Variants in ASTN2 observed in about 807,000 individuals in gnomAD.
ASTN2 encodes the protein astrotactin 2, also known as astrotactin-2.
ASTN2 carries 54 observed loss-of-function variants against 139.8 expected under a neutral mutation model. The ratio of observed to expected loss-of-function variants is 0.39; its 90% CI spans 0.31 to 0.48. The LOEUF (loss-of-function observed/expected upper bound fraction) is 0.48. Among genes scored for constraint, ASTN2 ranks in the 20% least tolerant of loss-of-function variants. The pLI, the probability that ASTN2 is intolerant of heterozygous loss-of-function variation, is 0.95. For missense variants in ASTN2, 1,565 were observed against 1,725.1 expected (o/e 0.91, Z 1.64); for synonymous variants, 756 against 719.5 (o/e 1.05, Z -0.81).
At chr9:117,256,122 T>C (rs1316046166) in intron 2 of ASTN2, among the ~76,000 whole-genome samples, 1 of 152,154 alleles carries the variant, frequency 6.6e-6, no homozygotes, top group Non-Finnish European at 1.5e-5. Context: ...GAGATGACTG[T>C]TTTCTCTGTT....
chr9:116,917,731 T>A (rs1174418067), intron 10 of ASTN2, among the ~76,000 whole-genome samples: 1 of 152,188 alleles, frequency 6.6e-6, no homozygotes, highest in Non-Finnish European at 1.5e-5. Context: ...TGTTAATTAA[T>A]TGATCATGTA....
At chr9:117,355,311 A>C (rs1245453872) in intron 1 of ASTN2, among the ~76,000 whole-genome samples, 1 of 152,248 alleles carries the variant, frequency 6.6e-6, no homozygotes, top group Non-Finnish European at 1.5e-5. Flanking sequence ...TCAGAGTTTC[A>C]GACTGAAGAG....
At chr9:116,808,781 A>G (rs1831093694) in intron 12 of ASTN2, among the ~76,000 whole-genome samples, 1 of 152,172 alleles carries the variant, frequency 6.6e-6, no homozygotes, top group Non-Finnish European at 1.5e-5. Context: ...TTACAATCCT[A>G]TAATTGATGA....
At chr9:116,531,432 A>G (rs988461027) in intron 19 of ASTN2, among the ~76,000 whole-genome samples, 6 of 152,308 alleles carry the variant, frequency 3.9e-5, no homozygotes, top group African/African-American at 1.4e-4. Flanking sequence ...TTTGTTACAT[A>G]TGTATACGTG....
At chr9:117,233,964 A>C (rs1832971654) in intron 2 of ASTN2, among the ~76,000 whole-genome samples, 2 of 152,198 alleles carry the variant, frequency 1.3e-5, no homozygotes, top group East Asian at 3.9e-4. Context: ...AAAATGCTTC[A>C]TGTATCTGTC....
chr9:117,355,236 T>C (rs1378567088), intron 1 of ASTN2, among the ~76,000 whole-genome samples: 1 of 152,168 alleles, frequency 6.6e-6, no homozygotes, highest in East Asian at 1.9e-4. Flanking sequence ...GAATGGAAAG[T>C]TCAGAAATCT....
At position 116,790,963 on chromosome 9, in the gene ASTN2, G is replaced by GA. The variant is rs754990492; in HGVS notation, c.2396+14668dup. Reference sequence around the variant, plus strand: ...GAAAGAAAGAAAGAAAGAAAAGAAAGAAGGAAAGAAAGAAAGAAAGAAAGA... The same window carrying GA: ...GAAAGAAAGAAAGAAAGAAAAGAAAGAAAGGAAAGAAAGAAAGAAAGAAAGA... On this transcript the variant is annotated intron_variant, in intron 13 of 22. Transcript: ENST00000313400. Among the ~76,000 whole-genome samples, 985 of 100,312 alleles carry GA rather than the reference G, an allele frequency of 9.8e-3. 4 individuals carry two copies. The highest frequency in any genetic ancestry group is 0.018 in the Middle Eastern group (3 of 170). 65.8% of individuals were successfully genotyped at this position (100,312 alleles called of 152,430 possible).
chr9:116,979,638 C>T (rs554725257), intron 7 of ASTN2, among the ~76,000 whole-genome samples: 1 of 152,066 alleles, frequency 6.6e-6, no homozygotes, highest in Admixed American at 6.6e-5. Flanking sequence ...TCCAGACTCC[C>T]AGGACTGATT....
At position 117,190,916 on chromosome 9, in the gene ASTN2, T is replaced by C. The variant is rs945594170; in HGVS notation, c.1015+23442A>G. Among the ~76,000 whole-genome samples the C allele has an allele frequency of 2.0e-5, 3 of 152,178 alleles. No individual in the cohort carries two copies. In the South Asian group the frequency reaches 6.2e-4, roughly 31 times the overall value. ...TGCTAGAAAGAAACTGCTATAGAAA[T>C]TGACTTGCATATATCTTATTTATTG... On this transcript the variant is annotated intron_variant, in intron 3 of 22. Coordinates refer to ENST00000313400, the MANE Select transcript of ASTN2 (RefSeq NM_001365068.1).
intron 19 of ASTN2, among the ~76,000 whole-genome samples, chr9:116,565,258 A>G (rs1853128317): frequency 8.4e-6 from 1 of 119,384 alleles, no homozygotes; most frequent in Admixed American, 8.3e-5. Context: ...ACACACACAC[A>G]TATGCCCCAT....
At chr9:116,597,086 A>T (rs1854613922) in intron 19 of ASTN2, among the ~76,000 whole-genome samples, 1 of 118,942 alleles carries the variant, frequency 8.4e-6, no homozygotes, top group Non-Finnish European at 1.9e-5. Context: ...AAGGATGGTT[A>T]TATTTTTAAA....
At chr9:117,264,111 A>C (rs763854515) in intron 2 of ASTN2, among the ~76,000 whole-genome samples, 30 of 152,212 alleles carry the variant, frequency 2.0e-4, no homozygotes, top group Non-Finnish European at 3.8e-4. Context: ...AATACAGTTT[A>C]TTTATGGTAT....
chr9:117,111,019 G>T (rs910203058), intron 4 of ASTN2, among the ~76,000 whole-genome samples: 1 of 152,194 alleles, frequency 6.6e-6, no homozygotes, highest in African/African-American at 2.4e-5. Context: ...CTCAGCTGAA[G>T]ATAATAAAAC....
At chr9:117,079,109 A>T (rs1345470681) in intron 5 of ASTN2, among the ~76,000 whole-genome samples, 1 of 152,234 alleles carries the variant, frequency 6.6e-6, no homozygotes, top group Non-Finnish European at 1.5e-5. Context: ...TAATCCCAGT[A>T]CATTGAGAGG....
chr9:117,243,079 T>C (rs192222471), intron 2 of ASTN2, among the ~76,000 whole-genome samples: 1 of 152,338 alleles, frequency 6.6e-6, no homozygotes, highest in Admixed American at 6.5e-5. Flanking sequence ...TTCCTTCAAT[T>C]CTTTTTGCAA....
chr9:116,925,863 C>CACAACACACAA (rs374230077), intron 10 of ASTN2, among the ~76,000 whole-genome samples: 1 of 95,840 alleles, frequency 1.0e-5, no homozygotes, highest in African/African-American at 3.7e-5. Context: ...CACAACACAA[C>CACAACACACAA]ACACACACAC....
At position 116,862,135 on chromosome 9, in the gene ASTN2, G is replaced by C. The variant is rs191828850; in HGVS notation, c.2040+1448C>G. On this transcript the variant is annotated intron_variant, in intron 11 of 22. Transcript: ENST00000313400. ...TTCATTGCATTATTTCATTCTAGAAGCTTCTTCGTATTGATCTCCTGACCT... is the reference window on the plus strand; with the variant it reads ...TTCATTGCATTATTTCATTCTAGAACCTTCTTCGTATTGATCTCCTGACCT... 5.3e-5 allele frequency among the ~76,000 whole-genome samples: 8 copies of C among 152,194 alleles called. No individual in the cohort carries two copies. In the East Asian group the frequency reaches 1.5e-3, roughly 29 times the overall value.
At chr9:116,915,546 C>T (rs1209568617) in intron 10 of ASTN2, among the ~76,000 whole-genome samples, 1 of 152,170 alleles carries the variant, frequency 6.6e-6, no homozygotes, top group African/African-American at 2.4e-5. Context: ...TTGGAACTTT[C>T]AGCCTCAACT....
At chr9:117,223,898 C>T (rs1054932355) in intron 2 of ASTN2, among the ~76,000 whole-genome samples, 13 of 152,122 alleles carry the variant, frequency 8.5e-5, no homozygotes, top group African/African-American at 3.1e-4. Context: ...AAATCATCTA[C>T]TTACCATGTA....
Sources: gnomAD v4.1 joint callset for allele counts (sites outside exome capture counted in the v4.1 genomes callset) on GRCh38, gnomAD v4.1.1 for gene constraint, MANE v1.5 for transcripts, NCBI Gene and HGNC (gene_info 2026-07-23, HGNC 2026-07-21) for gene names.